GPC5: variants seen among roughly 807,000 people sequenced by gnomAD.
GPC5 encodes glypican-5.
GPC5 carries 47 observed loss-of-function variants against 53.9 expected under a neutral mutation model. That is an observed-to-expected ratio of 0.87 (90% CI 0.69 to 1.11). The LOEUF (loss-of-function observed/expected upper bound fraction) is 1.11. GPC5 is among the 50% of genes most tolerant of loss of function. The pLI is 0.00. For synonymous variants in GPC5, 286 were observed against 263.3 expected, an observed-to-expected ratio of 1.09 and a Z score of -0.84; for missense variants, 748 against 713.1, an observed-to-expected ratio of 1.05 and a Z score of -0.56.
chr13:92,279,865 C>T (rs1275953061), intron 7 of GPC5, among the ~76,000 whole-genome samples: 1 of 151,956 alleles, frequency 6.6e-6, no homozygotes, highest in Non-Finnish European at 1.5e-5. Flanking sequence ...AAATATTTTT[C>T]TGTAGTTTTC....
intron 7 of GPC5, among the ~76,000 whole-genome samples, chr13:92,578,705 T>G (rs1021379844): frequency 6.6e-6 from 1 of 152,164 alleles, no homozygotes; most frequent in Admixed American, 6.6e-5. Flanking sequence ...ATCTACTGAT[T>G]TAAACGCTAA....
At chr13:92,698,626 A>T (rs954868973) in intron 7 of GPC5, among the ~76,000 whole-genome samples, 2 of 152,134 alleles carry the variant, frequency 1.3e-5, no homozygotes, top group Non-Finnish European at 2.9e-5. Context: ...CAATAAACAT[A>T]TGTGTGCATG....
At chr13:91,433,835 T>C (rs2139035061) in intron 1 of GPC5, among the ~76,000 whole-genome samples, 1 of 152,132 alleles carries the variant, frequency 6.6e-6, no homozygotes, top group South Asian at 2.1e-4. Context: ...AAAGTGTTCC[T>C]ATTTCTCCAC....
chr13:92,099,511 T>C (rs1206384358), intron 6 of GPC5, among the ~76,000 whole-genome samples: 14 of 152,246 alleles, frequency 9.2e-5, no homozygotes, highest in Admixed American at 9.2e-4. Flanking sequence ...CCCAAGATTC[T>C]GTCCCTTCAT....
chr13:91,417,407 C>T (rs939679590), intron 1 of GPC5, among the ~76,000 whole-genome samples: 8 of 152,012 alleles, frequency 5.3e-5, no homozygotes, highest in Admixed American at 2.0e-4. Flanking sequence ...ATACAGTAGC[C>T]CCTGCTGTCA....
At chr13:92,491,539 T>A (rs1018224691) in intron 7 of GPC5, among the ~76,000 whole-genome samples, 4 of 152,160 alleles carry the variant, frequency 2.6e-5, no homozygotes, top group African/African-American at 9.6e-5. Flanking sequence ...GGCAGCACGT[T>A]CTTCACATTC....
intron 2 of GPC5, among the ~76,000 whole-genome samples, chr13:91,641,093 C>G (rs1239569143): frequency 6.6e-6 from 1 of 152,006 alleles, no homozygotes; most frequent in Non-Finnish European, 1.5e-5. Context: ...TTTGGGAGGC[C>G]GAGGTGGACA....
intron 7 of GPC5, among the ~76,000 whole-genome samples, chr13:92,233,973 A>G (rs1288449189): frequency 6.6e-6 from 1 of 152,118 alleles, no homozygotes; most frequent in African/African-American, 2.4e-5. Flanking sequence ...CTATGTCCCT[A>G]CAAAGGACAT....
chr13:91,825,896 C>T (rs1360954624), intron 5 of GPC5, among the ~76,000 whole-genome samples: 2 of 152,060 alleles, frequency 1.3e-5, no homozygotes, highest in Admixed American at 1.3e-4. Flanking sequence ...TGGCTTACTC[C>T]TCAACAGTAC....
intron 5 of GPC5, among the ~76,000 whole-genome samples, chr13:91,864,108 A>G (rs1415887834): frequency 6.6e-6 from 1 of 152,192 alleles, no homozygotes; most frequent in East Asian, 1.9e-4. Context: ...GGTTGGTAGA[A>G]TGAATGATAA....
intron 7 of GPC5, among the ~76,000 whole-genome samples, chr13:92,786,830 G>A (rs558474200): frequency 6.6e-6 from 1 of 152,084 alleles, no homozygotes; most frequent in African/African-American, 2.4e-5. Context: ...AGTTACCTGT[G>A]GGGTAATGAG....
At chr13:92,527,319 T>C (rs2780742) in intron 7 of GPC5, among the ~76,000 whole-genome samples, 77,492 of 137,234 alleles carry the variant, frequency 0.56, 23,765 homozygotes, top group East Asian at 0.76. Flanking sequence ...AGTAGAACTC[T>C]GGGACCTACC....
intron 1 of GPC5, among the ~76,000 whole-genome samples, chr13:91,425,999 C>T (rs7994689): frequency 0.52 from 78,341 of 151,924 alleles, 20,549 homozygotes; most frequent in East Asian, 0.71. Context: ...GCATTTTGCC[C>T]CTGACCTAGA....
intron 6 of GPC5, among the ~76,000 whole-genome samples, chr13:91,912,227 A>G (rs2039616349): frequency 6.6e-6 from 1 of 152,218 alleles, no homozygotes; most frequent in Non-Finnish European, 1.5e-5. Context: ...AGGACAGAGA[A>G]GATACTTTGT....
At position 91,986,876 on chromosome 13, in the gene GPC5, T is replaced by C. The variant is rs73620015; in HGVS notation, c.1401+78819T>C. Reference sequence around the variant, plus strand: ...CAGCGTGTTTAAGCCAGAGCTAATTTTGAAGCCTCTGCTTTGCCAATGGAT... The same window carrying C: ...CAGCGTGTTTAAGCCAGAGCTAATTCTGAAGCCTCTGCTTTGCCAATGGAT... On this transcript the variant is annotated intron_variant, in intron 6 of 7. Coordinates refer to ENST00000377067, the MANE Select transcript of GPC5 (RefSeq NM_004466.6). Among the ~76,000 whole-genome samples the C allele has an allele frequency of 3.6e-3, 504 of 141,216 alleles. 3 individuals carry two copies. Among genetic ancestry groups the C allele is most frequent in the African/African-American group, 0.012 (480 of 40,364 alleles). The allele number at this position is 141,216 out of a possible 152,430, so 92.6% of individuals were successfully genotyped here. A position where few individuals can be genotyped will look rare whatever the true frequency, so the allele number is the denominator to read the frequency against.
chr13:91,744,345 A>G (rs1470205158), intron 4 of GPC5, among the ~76,000 whole-genome samples: 3 of 152,198 alleles, frequency 2.0e-5, no homozygotes, highest in East Asian at 1.9e-4. Flanking sequence ...AATATTTTTC[A>G]AAATGAAAAT....
intron 7 of GPC5, among the ~76,000 whole-genome samples, chr13:92,831,626 A>T (rs1878047094): frequency 6.6e-6 from 1 of 152,210 alleles, no homozygotes; most frequent in African/African-American, 2.4e-5. Context: ...AGAAACAAAA[A>T]GCATTAGCTC....
At chr13:92,041,519 T>C (rs2040941612) in intron 6 of GPC5, among the ~76,000 whole-genome samples, 1 of 152,124 alleles carries the variant, frequency 6.6e-6, no homozygotes, top group East Asian at 1.9e-4. Context: ...CCCAGGGGTG[T>C]CTTATAGGAA....
chr13:91,991,820 T>C (rs748594655), intron 6 of GPC5, among the ~76,000 whole-genome samples: 2 of 151,654 alleles, frequency 1.3e-5, no homozygotes, highest in Non-Finnish European at 2.9e-5. Context: ...CTTAACAAGA[T>C]AGTTAATTTC....
Sources: allele counts gnomAD v4.1 joint callset (sites outside exome capture counted in the v4.1 genomes callset), GRCh38; gene constraint gnomAD v4.1.1; transcripts MANE v1.5; gene names NCBI Gene and HGNC (gene_info 2026-07-23, HGNC 2026-07-21).